Variants in DMRT1 observed in about 807,000 individuals in gnomAD.
DMRT1 encodes doublesex and mab-3 related transcription factor 1, also known as doublesex- and mab-3-related transcription factor 1.
DMRT1 carries 7 observed loss-of-function variants against 32.3 expected under a neutral mutation model. That is an observed-to-expected ratio of 0.22 (90% CI 0.12 to 0.41). The LOEUF (loss-of-function observed/expected upper bound fraction) is 0.41. Among genes scored for constraint, DMRT1 ranks in the 10% least tolerant of loss-of-function variants. The pLI, the probability that DMRT1 is intolerant of heterozygous loss-of-function variation, is 1.00. For missense variants in DMRT1, 625 were observed against 500.5 expected, an observed-to-expected ratio of 1.25 and a Z score of -2.37; for synonymous variants, 278 against 206.1, an observed-to-expected ratio of 1.35 and a Z score of -2.99.
chr9:882,374 G>A (rs575983154), intron 2 of DMRT1, among the ~76,000 whole-genome samples: 14 of 152,250 alleles, frequency 9.2e-5, no homozygotes, highest in African/African-American at 3.1e-4. Context: ...GTGCCTCGAA[G>A]CTCTTGTTGT....
At chr9:865,120 A>T (rs114028155) in intron 2 of DMRT1, among the ~76,000 whole-genome samples, 4,685 of 152,270 alleles carry the variant, frequency 0.031, 84 homozygotes, top group African/African-American at 0.045. Context: ...CATTGTCATT[A>T]TTCCTGCATG....
Position 936,479 on chromosome 9 carries a change from T to A in DMRT1, c.967+19572T>A, listed in dbSNP as rs139366490. ...AATAATGTCTTCTTCAGGCCGGGTG[T>A]GGTGGCTCATGCCTGTAATCCTAGA... On this transcript the variant is annotated intron_variant, in intron 4 of 4. Transcript: ENST00000382276. Among the ~76,000 whole-genome samples the A allele has an allele frequency of 2.6e-5, 4 of 152,274 alleles. No individual in the cohort carries two copies. The East Asian group carries it at 7.7e-4, about 29-fold the overall frequency.
At chr9:894,878 A>T (rs952017383) in intron 3 of DMRT1, 1 of 151,994 alleles carries the variant, frequency 6.6e-6, no homozygotes, top group Non-Finnish European at 1.5e-5. Context: ...CAGTGGTAGG[A>T]TCTCAGCTCA....
intron 2 of DMRT1, among the ~76,000 whole-genome samples, chr9:884,093 G>C (rs1409370343): frequency 6.6e-6 from 1 of 152,068 alleles, no homozygotes; most frequent in African/African-American, 2.4e-5. Context: ...ACTTCATGCT[G>C]GAAACTGTGA....
At chr9:871,159 G>C (rs189915329) in intron 2 of DMRT1, among the ~76,000 whole-genome samples, 2 of 151,834 alleles carry the variant, frequency 1.3e-5, no homozygotes, top group African/African-American at 4.8e-5. Flanking sequence ...ACCTCAGCCT[G>C]AGTAGCTGGG....
intron 3 of DMRT1, among the ~76,000 whole-genome samples, chr9:903,166 C>A (rs941405316): frequency 2.0e-5 from 3 of 152,012 alleles, no homozygotes; most frequent in Non-Finnish European, 4.4e-5. Flanking sequence ...AATAGTGGAC[C>A]CAATTCTCTT....
At chr9:927,657 G>A (rs1024012056) in intron 4 of DMRT1, among the ~76,000 whole-genome samples, 2 of 152,122 alleles carry the variant, frequency 1.3e-5, no homozygotes, top group Non-Finnish European at 2.9e-5. Context: ...CGTATACACG[G>A]GGTATACAAT....
chr9:844,922 A>T (rs539485083), intron 1 of DMRT1, among the ~76,000 whole-genome samples: 1 of 152,062 alleles, frequency 6.6e-6, no homozygotes, highest in South Asian at 2.1e-4. Flanking sequence ...GGATTTCACC[A>T]TATTGGCCAG....
intron 2 of DMRT1, among the ~76,000 whole-genome samples, chr9:850,759 T>C (rs1357003419): frequency 1.3e-5 from 2 of 152,160 alleles, no homozygotes; most frequent in Non-Finnish European, 2.9e-5. Context: ...CCAGGCGCAG[T>C]GGCTCATGCC....
chr9:867,310 TC>T (rs1816033610), intron 2 of DMRT1, among the ~76,000 whole-genome samples: 1 of 152,176 alleles, frequency 6.6e-6, no homozygotes, highest in Admixed American at 6.5e-5. Context: ...AAACTGAAGA[TC>T]CACACACGAC....
intron 3 of DMRT1, among the ~76,000 whole-genome samples, chr9:907,485 A>G (rs1346450805): frequency 6.6e-6 from 1 of 152,118 alleles, no homozygotes; most frequent in Non-Finnish European, 1.5e-5. Flanking sequence ...TCTTTTGTGA[A>G]CCCCCTGATA....
rs753315629 is a variant in DMRT1 at position 917,513 on chromosome 9, C to G, written c.967+606C>G. On this transcript the variant is annotated intron_variant, in intron 4 of 4. Transcript: ENST00000382276. ...ATTTTCACTGTGGTGAGAGGCAGGTCTTTACAGCTGCTGCGTTTCCAGATC... is the reference window on the plus strand; with the variant it reads ...ATTTTCACTGTGGTGAGAGGCAGGTGTTTACAGCTGCTGCGTTTCCAGATC... Among the ~76,000 whole-genome samples, 73 of 152,146 alleles carry G rather than the reference C, an allele frequency of 4.8e-4. 2 individuals carry two copies. Among genetic ancestry groups the G allele is most frequent in the Admixed American group, 7.9e-4 (12 of 15,270 alleles).
At chr9:949,377 A>C (rs574206578) in intron 4 of DMRT1, among the ~76,000 whole-genome samples, 62 of 151,802 alleles carry the variant, frequency 4.1e-4, no homozygotes, top group Middle Eastern at 3.4e-3. Context: ...GGAAAAAAAA[A>C]CCCCAAAAAA....
chr9:927,080 C>T (rs946697063), intron 4 of DMRT1, among the ~76,000 whole-genome samples: 2 of 152,224 alleles, frequency 1.3e-5, no homozygotes, highest in African/African-American at 4.8e-5. Flanking sequence ...CCTGAATCCA[C>T]AGGGCCCTAG....
chr9:851,402 C>G (rs1839147105), intron 2 of DMRT1, among the ~76,000 whole-genome samples: 1 of 150,218 alleles, frequency 6.7e-6, no homozygotes, highest in Non-Finnish European at 1.5e-5. Context: ...CGATGCCCAG[C>G]TAATTTTTGT....
At chr9:873,311 T>C (rs1300132740) in intron 2 of DMRT1, among the ~76,000 whole-genome samples, 2 of 81,628 alleles carry the variant, frequency 2.5e-5, no homozygotes, top group African/African-American at 7.8e-5. Flanking sequence ...TCTATAAGCA[T>C]TTTTTTTTTT....
At chr9:857,265 C>T (rs1412529956) in intron 2 of DMRT1, among the ~76,000 whole-genome samples, 1 of 151,950 alleles carries the variant, frequency 6.6e-6, no homozygotes, top group Non-Finnish European at 1.5e-5. Context: ...TGAGATTGCT[C>T]CACTGCACTC....
At position 938,625 on chromosome 9, in the gene DMRT1, A is replaced by G. The variant is rs1326958360; in HGVS notation, c.967+21718A>G. Among the ~76,000 whole-genome samples the G allele has an allele frequency of 2.0e-5, 3 of 152,148 alleles. No individual in the cohort carries two copies. In the East Asian group the frequency reaches 5.8e-4, roughly 29 times the overall value. ...TATATCCTGCAACTTTGCTGAATTT[A>G]TTAGCTCTATCAGTTTTTTTGTGGA... On this transcript the variant is annotated intron_variant, in intron 4 of 4. Coordinates refer to ENST00000382276, the MANE Select transcript of DMRT1 (RefSeq NM_021951.3).
At chr9:846,312 T>G (rs895511607) in intron 1 of DMRT1, among the ~76,000 whole-genome samples, 1 of 152,062 alleles carries the variant, frequency 6.6e-6, no homozygotes, top group African/African-American at 2.4e-5. Flanking sequence ...GGATTACAGG[T>G]GCGAACCACC....
Sources: gnomAD v4.1 joint callset for allele counts (sites outside exome capture counted in the v4.1 genomes callset) on GRCh38, gnomAD v4.1.1 for gene constraint, MANE v1.5 for transcripts, NCBI Gene and HGNC (gene_info 2026-07-23, HGNC 2026-07-21) for gene names.